The following ANO9 variants were observed in gnomAD, a reference collection of about 807,000 sequenced individuals.
The protein encoded by ANO9 is anoctamin-9.
In ANO9, 80 loss-of-function variants were observed where a neutral mutation model predicts 100.5. The observed-to-expected ratio is 0.80, with a 90% CI of 0.66 to 0.96. ANO9 has a LOEUF of 0.96. ANO9 is among the 40% of genes least tolerant of loss of function. ANO9 has a pLI of 0.00. For synonymous variants in ANO9, 473 were observed against 435.6 expected (o/e 1.09, Z -1.07); for missense variants, 1,064 against 1,072.7 (o/e 0.99, Z 0.11).
At chr11:440,214 G>A (rs1268399102) in intron 1 of ANO9, among the ~76,000 whole-genome samples, 1 of 152,162 alleles carries the variant, frequency 6.6e-6, no homozygotes, top group African/African-American at 2.4e-5. Context: ...TACGGAAACT[G>A]AGTCCAGGGA....
chr11:419,880 C>T (rs1283581382), intron 19 of ANO9, 151 bp from the exon 20 acceptor site: 4 of 1,447,006 alleles, frequency 2.8e-6, no homozygotes, highest in Non-Finnish European at 3.6e-6. Flanking sequence ...AAGGAAGTCC[C>T]CAGCCATGGC....
chr11:434,397 C>T (rs987672830), intron 1 of ANO9, among the ~76,000 whole-genome samples: 1 of 152,176 alleles, frequency 6.6e-6, no homozygotes, highest in Non-Finnish European at 1.5e-5. Flanking sequence ...CTGAGCAGCC[C>T]ACAGGGGAAG....
chr11:435,261 ATAGTC>A (rs59912016), intron 1 of ANO9, among the ~76,000 whole-genome samples: 30,503 of 150,234 alleles, frequency 0.2, 3,149 homozygotes, highest in Middle Eastern at 0.27. Context: ...CTAGTATGGT[ATAGTC>A]TAGTCTAGTC....
chr11:418,407 T>C lies in ANO9; in HGVS notation c.2313A>G (p.Pro771=). ...TGCTCCTGGCACTGAAGATGGATGC[T>C]GGGGTGGGATGGGCAGGCATTGGGG... ...SRPPMPAHPT[P]ASIFSARSTD... Residue 771 remains proline (P), a synonymous_variant, in exon 23 of 23, where the codon CCA becomes CCG. Transcript: ENST00000332826. 1 of 1,612,282 alleles carries C rather than the reference T, an allele frequency of 6.2e-7. No individual in the cohort carries two copies.
chr11:420,380 C>T, intron 19 of ANO9, 83 bp downstream of exon 19: 2 of 1,542,024 alleles, frequency 1.3e-6, no homozygotes, highest in Non-Finnish European at 1.7e-6. Flanking sequence ...TTATTTTTTC[C>T]AGGTGAGCCG....
At chr11:440,097 A>G (rs541630505) in intron 1 of ANO9, among the ~76,000 whole-genome samples, 1 of 152,272 alleles carries the variant, frequency 6.6e-6, no homozygotes, top group Non-Finnish European at 1.5e-5. Context: ...ATCAGGGTGC[A>G]GTTGGTGTCT....
chr11:418,865 T>G (rs773861579), intron 21 of ANO9, 23 bp downstream of exon 21: 2 of 1,613,508 alleles, frequency 1.2e-6, no homozygotes, highest in Non-Finnish European at 1.7e-6. Context: ...GAGGGCATTC[T>G]TGGGGGATGG....
chr11:426,737 G>A (rs551402065), intron 15 of ANO9, among the ~76,000 whole-genome samples: 2 of 152,274 alleles, frequency 1.3e-5, no homozygotes, highest in East Asian at 3.9e-4. Flanking sequence ...TCCCCAGGAA[G>A]CCTCGGGACT....
chr11:420,697 C>A (rs544889649), intron 18 of ANO9, 21 bp downstream of exon 18: 3 of 1,603,564 alleles, frequency 1.9e-6, no homozygotes, highest in South Asian at 1.1e-5. Flanking sequence ...CGCGAACCCC[C>A]GCCCCGCAGC....
chr11:429,633 G>C lies in ANO9; in HGVS notation c.852C>G (p.Ile284Met), dbSNP rs1266120897. The change falls in exon 11 of 23, where the codon ATC (isoleucine) becomes ATG (methionine). Residue 284 changes from isoleucine to methionine, a missense_variant. Physicochemically the swap from Ile to Met is conservative, Grantham distance 10. Coordinates refer to ENST00000332826, the MANE Select transcript of ANO9 (RefSeq NM_001012302.3). ...MALWATVFLE[I>M]WKRQRARVVL... ...CCACGCGGGCGCGCTGCCGCTTCCA[G>C]ATCTCCAGGAACACCGTGGCTGCGG... is the stretch of plus-strand genomic sequence containing the variant. 6.2e-7 allele frequency: 1 copy of C among 1,612,630 alleles called. No homozygotes were observed. Among genetic ancestry groups the C allele is most frequent in the East Asian group, 2.2e-5 (1 of 44,878 alleles).
rs1849016703 is a variant in ANO9, at chr11:431,708, T to C, written c.525A>G (p.Pro175=). The change falls in exon 7 of 23, where the codon CCA becomes CCG. Residue 175 remains proline (P), a synonymous_variant. Transcript: ENST00000332826. ...GGCAGCGTTACCTGATTTCATCAAC[T>C]GGCTGCTCCCGGAACATGTGTCTCC... ...ARWRHMFREQ[P]VDEIRNYFGE... is the part of the protein sequence containing the mutation. The C allele has an allele frequency of 6.2e-6, 10 of 1,612,526 alleles. No individual in the cohort carries two copies. The highest frequency in any genetic ancestry group is 8.5e-6 in the Non-Finnish European group (10 of 1,179,494).
At position 431,881 on chromosome 11, in the gene ANO9, G is replaced by T. The variant is rs151302926; in HGVS notation, c.432C>A (p.Asp144Glu). Reference protein sequence around the residue: ...AGETFEDLMKDGVFEARFPLH... With the variant: ...AGETFEDLMKEGVFEARFPLH... ...GGGGGAACCTGGCCTCAAAGACCCC[G>T]TCCTTCATCAGATCCTCGAAGGTCT... Residue 144 changes from aspartate to glutamate, a missense_variant, in exon 6 of 23, where the codon GAC becomes GAA. Physicochemically the swap from Asp to Glu is conservative, Grantham distance 45 (BLOSUM62 2). Transcript: ENST00000332826. The T allele has an allele frequency of 6.2e-7, 1 of 1,610,628 alleles. No individual in the cohort carries two copies. Among genetic ancestry groups the T allele is most frequent in the Admixed American group, 1.7e-5 (1 of 59,908 alleles).
At position 418,717 on chromosome 11, in the gene ANO9, C is replaced by T. The variant is rs763511337; in HGVS notation, c.2130+3G>A. ...TCCGAGGCCTCTCCCGGTTCTGGCTCACCTCAAAGAGGATGACGAAGGCCA... is the reference window on the plus strand; with the variant it reads ...TCCGAGGCCTCTCCCGGTTCTGGCTTACCTCAAAGAGGATGACGAAGGCCA... On this transcript the variant is annotated splice_donor_region_variant and intron_variant, in intron 22 of 22. Coordinates refer to ENST00000332826, the MANE Select transcript of ANO9 (RefSeq NM_001012302.3). 1.7e-5 allele frequency: 28 copies of T among 1,612,774 alleles called. No homozygotes were observed. In the Middle Eastern group the frequency reaches 4.9e-4, roughly 28 times the overall value.
At position 421,269 on chromosome 11, in the gene ANO9, C is replaced by G; in HGVS notation, c.1335-71G>C. 1.4e-6 allele frequency: 2 copies of G among 1,417,988 alleles called. No homozygotes were observed. Among genetic ancestry groups the G allele is most frequent in the Non-Finnish European group, 1.9e-6 (2 of 1,074,422 alleles). 87.8% of individuals were successfully genotyped at this position (1,417,988 alleles called of 1,614,324 possible). On this transcript the variant is annotated intron_variant, in intron 15 of 22. Transcript: ENST00000332826. The surrounding 1 kb of genome is among the most constrained non-coding windows in gnomAD (Gnocchi z 6.8). Reference sequence around the variant, plus strand: ...CTCTGACAGGGTGGGTGCAGCAGGACAGAAGCGGGTAGGAAAGACACAGAA... The same window carrying G: ...CTCTGACAGGGTGGGTGCAGCAGGAGAGAAGCGGGTAGGAAAGACACAGAA...
chr11:441,063 C>T (rs1040558399), intron 1 of ANO9, among the ~76,000 whole-genome samples: 1 of 152,162 alleles, frequency 6.6e-6, no homozygotes, highest in Non-Finnish European at 1.5e-5. Context: ...GCATCAGGTG[C>T]TGGGCTGAGC....
intron 15 of ANO9, among the ~76,000 whole-genome samples, chr11:426,809 C>T (rs186761949): frequency 6.6e-6 from 1 of 152,200 alleles, no homozygotes; most frequent in Non-Finnish European, 1.5e-5. Flanking sequence ...TGGAAGGTCC[C>T]TGGGCTTCCT....
rs773392501 is a variant in ANO9, at chr11:433,354, C to T, written c.310G>A (p.Ala104Thr). 12 of 1,612,834 alleles carry T rather than the reference C, an allele frequency of 7.4e-6. No individual in the cohort carries two copies. The highest frequency in any genetic ancestry group is 2.7e-5 in the African/African-American group (2 of 74,878). The change falls in exon 4 of 23, where the codon GCC becomes ACC. Residue 104 changes from alanine (A) to threonine (T), a missense_variant. Physicochemically the swap from Ala to Thr is moderately conservative, Grantham distance 58. Coordinates refer to ENST00000332826, the MANE Select transcript of ANO9 (RefSeq NM_001012302.3). ...LLEPEGPAPH[A>T]ELAAPTTIPV... ...ATGGTGGTCGGCGCGGCCAGCTCGG[C>T]GTGGGGGGCAGGCCCCTCAGGCTCC...
intron 15 of ANO9, among the ~76,000 whole-genome samples, chr11:423,919 ACAC>A (rs1848343610): frequency 6.6e-6 from 1 of 150,538 alleles, no homozygotes; most frequent in Admixed American, 6.6e-5. Flanking sequence ...ACACACACAC[ACAC>A]ATTTGAGATG....
At chr11:439,026 C>A (rs1845619866) in intron 1 of ANO9, among the ~76,000 whole-genome samples, 1 of 152,186 alleles carries the variant, frequency 6.6e-6, no homozygotes, top group African/African-American at 2.4e-5. Context: ...CAGGCCCTAG[C>A]TCTGACGCCA....
Sources: gnomAD v4.1 joint callset for allele counts (sites outside exome capture counted in the v4.1 genomes callset) on GRCh38, gnomAD v4.1.1 for gene constraint, Gnocchi (gnomAD v3.1) non-coding constraint, MANE v1.5 for transcripts, NCBI Gene and HGNC (gene_info 2026-07-23, HGNC 2026-07-21) for gene names.